The following OPCML variants were observed in gnomAD, a reference collection of about 807,000 sequenced individuals.
OPCML encodes the protein opioid binding protein/cell adhesion molecule like.
A neutral mutation model predicts 37.8 loss-of-function variants in OPCML; 13 were observed. The ratio of observed to expected loss-of-function variants is 0.34; its 90% CI spans 0.22 to 0.55. The LOEUF is 0.55. Among genes scored for constraint, OPCML ranks in the 20% least tolerant of loss-of-function variants. OPCML has a pLI of 0.91. For missense variants in OPCML, 341 were observed against 435.6 expected (o/e 0.78, Z 1.93); for synonymous variants, 176 against 168.8 (o/e 1.04, Z -0.33).
At chr11:133,098,879 CTG>C (rs1197858473) in intron 1 of OPCML, among the ~76,000 whole-genome samples, 5 of 152,132 alleles carry the variant, frequency 3.3e-5, no homozygotes, top group Non-Finnish European at 2.9e-5. Flanking sequence ...AGAAATAAGA[CTG>C]TATTTCTTTG....
chr11:133,114,666 T>C (rs1254057873), intron 1 of OPCML, among the ~76,000 whole-genome samples: 1 of 152,154 alleles, frequency 6.6e-6, no homozygotes, highest in African/African-American at 2.4e-5. Context: ...TTACAAGGCA[T>C]AAGATCCAGA....
chr11:132,875,749 C>T (rs901990073), intron 2 of OPCML, among the ~76,000 whole-genome samples: 2 of 152,148 alleles, frequency 1.3e-5, no homozygotes, highest in Non-Finnish European at 2.9e-5. Context: ...AGGTGTGAGT[C>T]ACCATGCCCA....
chr11:132,746,078 G>T (rs1404638251), intron 2 of OPCML, among the ~76,000 whole-genome samples: 1 of 151,586 alleles, frequency 6.6e-6, no homozygotes, highest in Non-Finnish European at 1.5e-5. Context: ...CCCTCCCCAA[G>T]CTCTTCACAA....
At chr11:133,202,237 C>G (rs1051841979) in intron 1 of OPCML, among the ~76,000 whole-genome samples, 1 of 152,168 alleles carries the variant, frequency 6.6e-6, no homozygotes, top group Non-Finnish European at 1.5e-5. Flanking sequence ...TCCTTCCCTC[C>G]TGCACTAGGT....
At chr11:132,561,928 A>T (rs976936403) in intron 3 of OPCML, among the ~76,000 whole-genome samples, 1 of 152,206 alleles carries the variant, frequency 6.6e-6, no homozygotes, top group African/African-American at 2.4e-5. Context: ...CCATACAGCC[A>T]CATTCTCAGC....
intron 1 of OPCML, among the ~76,000 whole-genome samples, chr11:132,984,333 T>G (rs2136798913): frequency 6.6e-6 from 1 of 152,318 alleles, no homozygotes; most frequent in Middle Eastern, 3.4e-3. Context: ...ATTAAGTACT[T>G]ACAATATAAT....
intron 2 of OPCML, among the ~76,000 whole-genome samples, chr11:132,737,202 G>C (rs1321277153): frequency 6.6e-6 from 1 of 152,192 alleles, no homozygotes; most frequent in Non-Finnish European, 1.5e-5. Context: ...TTATAAAAAT[G>C]AGAGTAGAAA....
chr11:133,473,485 A>G (rs1268780965), intron 1 of OPCML, among the ~76,000 whole-genome samples: 1 of 152,240 alleles, frequency 6.6e-6, no homozygotes, highest in Non-Finnish European at 1.5e-5. Context: ...TGAGTCAAGT[A>G]CTTAGAGACA....
chr11:132,817,392 T>A (rs1939693791), intron 2 of OPCML, among the ~76,000 whole-genome samples: 1 of 152,124 alleles, frequency 6.6e-6, no homozygotes, highest in South Asian at 2.1e-4. Flanking sequence ...TTTCTTTGTA[T>A]CTCTATTGAC....
chr11:133,168,850 C>T (rs1400287561), intron 1 of OPCML, among the ~76,000 whole-genome samples: 1 of 152,132 alleles, frequency 6.6e-6, no homozygotes, highest in Non-Finnish European at 1.5e-5. Context: ...ATTATTTGGC[C>T]AGGCACGGTG....
In OPCML at chr11:133,279,249, T is replaced by C. The variant is rs771884795; in HGVS notation, c.61+253015A>G. ...CCCCATCTCACAAATCGTCATCATG[T>C]TGTGGTTAAATGATCCCCGGTGCTC... On this transcript the variant is annotated intron_variant, in intron 1 of 7. Coordinates refer to ENST00000524381, the MANE Select transcript of OPCML (RefSeq NM_001012393.5). Among the ~76,000 whole-genome samples, 22 of 152,292 alleles carry C rather than the reference T, an allele frequency of 1.4e-4. No individual in the cohort carries two copies. In the Middle Eastern group the frequency reaches 0.014, roughly 94 times the overall value.
chr11:133,320,830 A>G (rs540846650), intron 1 of OPCML, among the ~76,000 whole-genome samples: 1 of 152,272 alleles, frequency 6.6e-6, no homozygotes, highest in Non-Finnish European at 1.5e-5. Flanking sequence ...CTGGATGTAA[A>G]GTCCATGAAG....
At chr11:133,354,213 G>GATGACGTA (rs563610117) in intron 1 of OPCML, among the ~76,000 whole-genome samples, 1 of 152,226 alleles carries the variant, frequency 6.6e-6, no homozygotes, top group Non-Finnish European at 1.5e-5. Flanking sequence ...TGGTGGTGGT[G>GATGACGTA]ATGATGCTGG....
At chr11:132,984,232 A>T (rs1379148666) in intron 1 of OPCML, among the ~76,000 whole-genome samples, 1 of 152,188 alleles carries the variant, frequency 6.6e-6, no homozygotes, top group Non-Finnish European at 1.5e-5. Flanking sequence ...ACTTACAATT[A>T]TAGCTAAGCT....
At chr11:133,112,800 C>G (rs536966036) in intron 1 of OPCML, among the ~76,000 whole-genome samples, 1 of 152,088 alleles carries the variant, frequency 6.6e-6, no homozygotes, top group Non-Finnish European at 1.5e-5. Flanking sequence ...GAGCCAAGGG[C>G]GAGCAGGTTA....
rs1398641753 is a variant in OPCML at position 133,364,380 on chromosome 11, T to C, written c.61+167884A>G. Among the ~76,000 whole-genome samples the C allele has an allele frequency of 4.6e-5, 7 of 152,208 alleles. No individual in the cohort carries two copies. In the South Asian group the frequency reaches 1.0e-3, roughly 23 times the overall value. On this transcript the variant is annotated intron_variant, in intron 1 of 7. Coordinates refer to ENST00000524381, the MANE Select transcript of OPCML (RefSeq NM_001012393.5). The stretch of plus-strand genomic sequence containing the variant: ...CTAATACACATTAACAGAGCAGTAG[T>C]AGAGGTGGGAGCCCTGGTCTGATCT...
intron 3 of OPCML, among the ~76,000 whole-genome samples, chr11:132,634,936 T>A (rs1301822675): frequency 6.6e-6 from 1 of 152,004 alleles, no homozygotes. Flanking sequence ...GATAAGAATA[T>A]AATGCCCTCT....
chr11:132,426,892 G>A (rs1237855096), intron 7 of OPCML, among the ~76,000 whole-genome samples: 2 of 152,186 alleles, frequency 1.3e-5, no homozygotes, highest in Admixed American at 6.5e-5. Flanking sequence ...AGTGGCAGGT[G>A]TTGACAATCA....
chr11:132,953,557 A>G (rs1331068290), intron 1 of OPCML, among the ~76,000 whole-genome samples: 1 of 151,964 alleles, frequency 6.6e-6, no homozygotes, highest in Non-Finnish European at 1.5e-5. Flanking sequence ...AATAACAAAA[A>G]CCATTATATT....
Sources: allele counts gnomAD v4.1 joint callset (sites outside exome capture counted in the v4.1 genomes callset), GRCh38; gene constraint gnomAD v4.1.1; transcripts MANE v1.5; gene names NCBI Gene and HGNC (gene_info 2026-07-23, HGNC 2026-07-21).